The following CYFIP2 variants were observed in gnomAD, a reference collection of about 807,000 sequenced individuals.
CYFIP2 encodes the protein cytoplasmic FMR1 interacting protein 2.
Under a neutral mutation model 158.7 loss-of-function variants are expected in CYFIP2, and 29 were observed. That is an observed-to-expected ratio of 0.18 (90% CI 0.14 to 0.25). The LOEUF (loss-of-function observed/expected upper bound fraction) is 0.25, where lower values mean the gene tolerates loss of function less well. Ranked by LOEUF, CYFIP2 falls within the 10% of genes least tolerant of loss-of-function variation. The probability of loss-of-function intolerance (pLI) is 1.00; values close to 1 mark genes in which losing one functional copy is unlikely to be tolerated. For synonymous variants in CYFIP2, 585 were observed against 617.6 expected, an observed-to-expected ratio of 0.95 and a Z score of 0.78; for missense variants, 852 against 1,639.5, an observed-to-expected ratio of 0.52 and a Z score of 8.29.
chr5:157,327,886 CTGCCT>C, intron 18 of CYFIP2, 82 bp from the exon 19 acceptor site: 3 of 1,301,562 alleles, frequency 2.3e-6, no homozygotes, highest in Non-Finnish European at 3.3e-6. Context: ...CTGGGCAATC[CTGCCT>C]GACTGCTGTC....
At chr5:157,330,240 A>ATGTGTGTGTGTGTGTGTG (rs58447290) in intron 19 of CYFIP2, among the ~76,000 whole-genome samples, 3 of 144,420 alleles carry the variant, frequency 2.1e-5, no homozygotes. Context: ...GAGATTTAAA[A>ATGTGTGTGTGTGTGTGTG]TGTGTGTGTG....
chr5:157,287,176 C>G (rs557059352), intron 3 of CYFIP2, 68 bp downstream of exon 3: 2 of 1,294,668 alleles, frequency 1.5e-6, no homozygotes, highest in Non-Finnish European at 2.2e-6. Context: ...CGGGCAGCTT[C>G]TCACACCAGA....
At chr5:157,343,207 C>A in intron 23 of CYFIP2, 1 of 1,614,194 alleles carries the variant, frequency 6.2e-7, no homozygotes, top group East Asian at 2.2e-5. Flanking sequence ...AAAGGGAGAT[C>A]TGGGGGTCTA....
At chr5:157,360,202 C>T (rs1325644498) in intron 24 of CYFIP2, 80 bp from the exon 25 acceptor site, 1 of 1,176,310 alleles carries the variant, frequency 8.5e-7, no homozygotes, top group African/African-American at 1.5e-5. Flanking sequence ...CTGCCCCATC[C>T]TCTCAGAGGT....
intron 23 of CYFIP2, among the ~76,000 whole-genome samples, chr5:157,356,877 A>G (rs1387163062): frequency 6.6e-6 from 1 of 152,192 alleles, no homozygotes; most frequent in Non-Finnish European, 1.5e-5. Context: ...GCCTGGCCCC[A>G]CGGTTAGCTA....
At chr5:157,339,578 C>T (rs1461375271) in intron 22 of CYFIP2, among the ~76,000 whole-genome samples, 2 of 152,196 alleles carry the variant, frequency 1.3e-5, no homozygotes, top group Non-Finnish European at 2.9e-5. Context: ...CCTCTTGAGT[C>T]TTCAGACTAG....
chr5:157,325,366 A>C, intron 16 of CYFIP2, 116 bp from the exon 17 acceptor site: 1 of 1,158,074 alleles, frequency 8.6e-7, no homozygotes, highest in Non-Finnish European at 1.1e-6. Context: ...AATCAATATT[A>C]GTACCTGCTA....
intron 28 of CYFIP2, chr5:157,384,284 A>G: frequency 2.2e-6 from 1 of 456,790 alleles, no homozygotes; most frequent in South Asian, 1.5e-5. Context: ...AACAAAAGGC[A>G]TGTGCTATCT....
At chr5:157,345,408 T>C (rs1762606197) in intron 23 of CYFIP2, 1 of 152,632 alleles carries the variant, frequency 6.6e-6, no homozygotes, top group South Asian at 2.1e-4. Flanking sequence ...GTCTCCCTTA[T>C]TGATTTTTCT....
intron 23 of CYFIP2, among the ~76,000 whole-genome samples, chr5:157,351,886 A>G (rs891582281): frequency 6.6e-6 from 1 of 152,212 alleles, no homozygotes; most frequent in African/African-American, 2.4e-5. Context: ...TGGTAGCGTC[A>G]GGGAAGACAT....
At chr5:157,304,441 T>C in intron 8 of CYFIP2, 75 bp downstream of exon 8, 1 of 1,495,316 alleles carries the variant, frequency 6.7e-7, no homozygotes, top group Non-Finnish European at 9.0e-7. Context: ...AAATCCGTTT[T>C]AAAAAACAAT....
intron 15 of CYFIP2, among the ~76,000 whole-genome samples, chr5:157,322,313 G>A (rs536065323): frequency 1.3e-5 from 2 of 152,300 alleles, no homozygotes; most frequent in East Asian, 3.9e-4. Flanking sequence ...ACCCACCCAG[G>A]GCTCTGGTAC....
chr5:157,338,789 T>A (rs184936199), intron 21 of CYFIP2, among the ~76,000 whole-genome samples: 9 of 152,322 alleles, frequency 5.9e-5, no homozygotes, highest in Admixed American at 5.9e-4. Context: ...ATGGTCTCCT[T>A]CCAGGGGGTA....
chr5:157,304,215 C>G (rs1316042443), intron 7 of CYFIP2, 23 bp from the exon 8 acceptor site: 2 of 1,607,540 alleles, frequency 1.2e-6, no homozygotes, highest in Non-Finnish European at 1.7e-6. Context: ...GCTGCCTAAC[C>G]TGAGGGTGGC....
intron 1 of CYFIP2, among the ~76,000 whole-genome samples, chr5:157,284,545 T>TG (rs1423081359): frequency 1.3e-5 from 2 of 152,194 alleles, no homozygotes; most frequent in Non-Finnish European, 2.9e-5. Flanking sequence ...CACATATGTT[T>TG]GGGGGGAAAA....
At chr5:157,367,627 T>C (rs1043250891) in intron 26 of CYFIP2, among the ~76,000 whole-genome samples, 1 of 152,172 alleles carries the variant, frequency 6.6e-6, no homozygotes, top group South Asian at 2.1e-4. Flanking sequence ...CTCCTACTTC[T>C]ACCTTTTAAT....
At chr5:157,353,310 T>C (rs1763196000) in intron 23 of CYFIP2, among the ~76,000 whole-genome samples, 3 of 152,170 alleles carry the variant, frequency 2.0e-5, no homozygotes, top group African/African-American at 7.2e-5. Context: ...AGTGTGACAG[T>C]GTTGATGTGA....
chr5:157,326,653 G>A (rs940362268), intron 18 of CYFIP2, among the ~76,000 whole-genome samples: 4 of 152,238 alleles, frequency 2.6e-5, no homozygotes, highest in Non-Finnish European at 4.4e-5. Flanking sequence ...AAGAGAGCAC[G>A]TGGCCCTGGA....
chr5:157,395,493 T>C lies in CYFIP2; in HGVS notation c.*2493T>C. ...TTAAATTCTTAAATCATATTTGCTA[T>C]GCAGCTGAAGATGATATTTTGATTT... is the stretch of plus-strand genomic sequence containing the variant. On this transcript the variant is annotated 3_prime_UTR_variant, in exon 31 of 31. Transcript: ENST00000620254. 3 of 528,592 alleles carry C rather than the reference T, an allele frequency of 5.7e-6. No individual in the cohort carries two copies. The highest frequency in any genetic ancestry group is 4.8e-5 in the South Asian group (3 of 62,256). 32.7% of individuals were successfully genotyped at this position (528,592 alleles called of 1,614,324 possible). A position where few individuals can be genotyped will look rare whatever the true frequency, so the allele number is the denominator to read the frequency against.
Sources: gnomAD v4.1 joint callset for allele counts (sites outside exome capture counted in the v4.1 genomes callset) on GRCh38, gnomAD v4.1.1 for gene constraint, MANE v1.5 for transcripts, NCBI Gene and HGNC (gene_info 2026-07-23, HGNC 2026-07-21) for gene names.